The following CCNY variants were observed in gnomAD, a reference collection of about 807,000 sequenced individuals.
The protein encoded by CCNY is cyclin Y, also known as cyclin-Y.
In CCNY, 19 loss-of-function variants were observed where a neutral mutation model predicts 42.8. The observed-to-expected ratio is 0.44, with a 90% CI of 0.31 to 0.65. CCNY has a LOEUF of 0.65. CCNY is among the 30% of genes least tolerant of loss of function. The pLI is 0.07. For synonymous variants in CCNY, 165 were observed against 162.7 expected (o/e 1.01, Z -0.11); for missense variants, 370 against 437.3 (o/e 0.85, Z 1.37).
intron 1 of CCNY, among the ~76,000 whole-genome samples, chr10:35,442,163 T>C (rs1281056719): frequency 6.6e-6 from 1 of 152,232 alleles, no homozygotes; most frequent in African/African-American, 2.4e-5. Context: ...AGTGTTGCCA[T>C]AACTCCTGAT....
intron 1 of CCNY, among the ~76,000 whole-genome samples, chr10:35,363,915 G>C (rs1836755426): frequency 1.3e-5 from 2 of 152,190 alleles, no homozygotes; most frequent in Non-Finnish European, 2.9e-5. Context: ...TTGGAGAAGA[G>C]CGGAGAAAGA....
chr10:35,475,027 A>C (rs1042709319), intron 1 of CCNY, among the ~76,000 whole-genome samples: 1 of 152,208 alleles, frequency 6.6e-6, no homozygotes, highest in African/African-American at 2.4e-5. Context: ...TGATGCGATC[A>C]ACTGGAAGAA....
chr10:35,258,442 G>C (rs369389465), intron 3 of CCNY, among the ~76,000 whole-genome samples: 1 of 152,186 alleles, frequency 6.6e-6, no homozygotes, highest in Non-Finnish European at 1.5e-5. Flanking sequence ...AAAAATGAAG[G>C]TGGGGGAAGA....
chr10:35,566,205 C>T lies in CCNY; in HGVS notation c.909+20C>T, dbSNP rs758861968. 7 of 1,606,740 alleles carry T rather than the reference C, an allele frequency of 4.4e-6. No homozygotes were observed. The highest frequency in any genetic ancestry group is 2.2e-5 in the South Asian group (2 of 89,628). On this transcript the variant is annotated intron_variant, in intron 9 of 9. Coordinates refer to ENST00000374704, the MANE Select transcript of CCNY (RefSeq NM_145012.6). Reference sequence around the variant, plus strand: ...CTTGAGGTAAGATGGTTTAAAACAGCGTTTTGTGGTGCAGTGTTGCCAATA... The same window carrying T: ...CTTGAGGTAAGATGGTTTAAAACAGTGTTTTGTGGTGCAGTGTTGCCAATA...
At chr10:35,261,761 C>T (rs908373279) in intron 3 of CCNY, among the ~76,000 whole-genome samples, 1 of 152,026 alleles carries the variant, frequency 6.6e-6, no homozygotes, top group African/African-American at 2.4e-5. Flanking sequence ...TGGCTCATGC[C>T]TGTAATCCCA....
At chr10:35,493,567 T>C (rs570388568) in intron 2 of CCNY, among the ~76,000 whole-genome samples, 1 of 152,340 alleles carries the variant, frequency 6.6e-6, no homozygotes, top group East Asian at 1.9e-4. Context: ...CAGGATAATC[T>C]GATGCAGTCA....
At chr10:35,414,577 A>C (rs1440016664) in intron 1 of CCNY, among the ~76,000 whole-genome samples, 1 of 152,232 alleles carries the variant, frequency 6.6e-6, no homozygotes, top group African/African-American at 2.4e-5. Context: ...AAAGGGGATT[A>C]CATAAGAGCA....
chr10:35,395,775 T>C (rs1442453693), intron 1 of CCNY, among the ~76,000 whole-genome samples: 1 of 152,230 alleles, frequency 6.6e-6, no homozygotes, highest in Non-Finnish European at 1.5e-5. Context: ...TTTTAGGTCC[T>C]GTGCACTGTC....
chr10:35,369,867 C>T (rs553504803), intron 1 of CCNY, among the ~76,000 whole-genome samples: 11 of 152,126 alleles, frequency 7.2e-5, no homozygotes, highest in Non-Finnish European at 1.6e-4. Context: ...AATGAAGACT[C>T]GTTTAACTCC....
At chr10:35,514,372 T>G (rs941980322) in intron 3 of CCNY, among the ~76,000 whole-genome samples, 16 of 152,194 alleles carry the variant, frequency 1.1e-4, no homozygotes, top group African/African-American at 3.9e-4. Context: ...ATCGAGGGCT[T>G]TGGCAGATCA....
At chr10:35,435,749 T>G (rs763398053) in intron 1 of CCNY, among the ~76,000 whole-genome samples, 1 of 152,224 alleles carries the variant, frequency 6.6e-6, no homozygotes, top group African/African-American at 2.4e-5. Flanking sequence ...AGTGGACATG[T>G]GCTCAGAGGC....
At chr10:35,257,527 G>A (rs1488806411) in intron 3 of CCNY, among the ~76,000 whole-genome samples, 2 of 152,020 alleles carry the variant, frequency 1.3e-5, no homozygotes, top group Non-Finnish European at 2.9e-5. Context: ...TCTTGCTGTT[G>A]TTTGTTTTGT....
At chr10:35,424,477 C>T (rs1465068730) in intron 1 of CCNY, among the ~76,000 whole-genome samples, 5 of 152,238 alleles carry the variant, frequency 3.3e-5, no homozygotes, top group East Asian at 1.9e-4. Context: ...CTGACCGCCT[C>T]GGCCTCCCAA....
At chr10:35,556,865 G>A (rs61850548) in intron 8 of CCNY, among the ~76,000 whole-genome samples, 2 of 147,346 alleles carry the variant, frequency 1.4e-5, no homozygotes, top group African/African-American at 5.0e-5. Context: ...TTTTTTTTAA[G>A]ACAGAGTTTC....
chr10:35,431,026 A>G (rs1255540151), intron 1 of CCNY, among the ~76,000 whole-genome samples: 1 of 151,668 alleles, frequency 6.6e-6, no homozygotes, highest in Non-Finnish European at 1.5e-5. Context: ...CTGAGGTAGG[A>G]GAATCGCTTG....
At chr10:35,552,448 C>G (rs1841278883) in intron 7 of CCNY, among the ~76,000 whole-genome samples, 1 of 152,164 alleles carries the variant, frequency 6.6e-6, no homozygotes, top group Non-Finnish European at 1.5e-5. Flanking sequence ...GTGATGGTTG[C>G]ACAGCAGTGT....
intron 3 of CCNY, among the ~76,000 whole-genome samples, chr10:35,329,590 C>T (rs750824084): frequency 2.6e-5 from 4 of 152,036 alleles, no homozygotes; most frequent in Admixed American, 6.6e-5. Flanking sequence ...AGAATCTATG[C>T]GAGTTTATGA....
chr10:35,531,646 A>G (rs1229561723), intron 7 of CCNY, among the ~76,000 whole-genome samples: 1 of 152,258 alleles, frequency 6.6e-6, no homozygotes, highest in Non-Finnish European at 1.5e-5. Context: ...TAAGAAAAGC[A>G]GATGAAACCA....
At chr10:35,388,563 T>C (rs1230092223) in intron 1 of CCNY, among the ~76,000 whole-genome samples, 1 of 152,206 alleles carries the variant, frequency 6.6e-6, no homozygotes, top group East Asian at 1.9e-4. Flanking sequence ...CCTTGTTGGG[T>C]GTGGCTGATG....
Sources: allele counts gnomAD v4.1 joint callset (sites outside exome capture counted in the v4.1 genomes callset), GRCh38; gene constraint gnomAD v4.1.1; transcripts MANE v1.5; gene names NCBI Gene and HGNC (gene_info 2026-07-23, HGNC 2026-07-21).